The following CAMTA1 variants were observed in gnomAD, a reference collection of about 807,000 sequenced individuals.
CAMTA1 encodes calmodulin binding transcription activator 1.
In CAMTA1, 27 loss-of-function variants were observed where a neutral mutation model predicts 170.9. The ratio of observed to expected loss-of-function variants is 0.16; its 90% confidence interval spans 0.12 to 0.22. CAMTA1 has a LOEUF of 0.22. Ranked by LOEUF, CAMTA1 falls within the 10% of genes least tolerant of loss-of-function variation. CAMTA1 has a pLI of 1.00. For synonymous variants in CAMTA1, 833 were observed against 891.5 expected, an observed-to-expected ratio of 0.93 and a Z score of 1.17; for missense variants, 1,619 against 2,217.2, an observed-to-expected ratio of 0.73 and a Z score of 5.42.
At chr1:7,671,164 G>A (rs2096057271) in intron 10 of CAMTA1, 127 bp downstream of exon 10, 8 of 1,025,120 alleles carry the variant, frequency 7.8e-6, no homozygotes, top group Non-Finnish European at 1.1e-5. Context: ...TTCCTCGGCT[G>A]TGAAGAAGCG....
chr1:7,198,422 T>TGCAAA (rs2148992322), intron 4 of CAMTA1, among the ~76,000 whole-genome samples: 1 of 152,042 alleles, frequency 6.6e-6, no homozygotes, highest in South Asian at 2.1e-4. Flanking sequence ...CAAAGCTGGG[T>TGCAAA]GCTGACCTGT....
Position 7,112,313 on chromosome 1 carries a change from C to T in CAMTA1, c.302+20942C>T, listed in dbSNP as rs1246861833. Among the ~76,000 whole-genome samples the T allele has an allele frequency of 2.0e-5, 3 of 152,224 alleles. No individual in the cohort carries two copies. In the East Asian group the frequency reaches 5.8e-4, roughly 29 times the overall value. On this transcript the variant is annotated intron_variant, in intron 4 of 22. Transcript: ENST00000303635. Reference sequence around the variant, plus strand: ...TGGACTTTTTTCTTTGTATCCCTCACAATTCCTGTGGGTAATTTTAATAAC... The same window carrying T: ...TGGACTTTTTTCTTTGTATCCCTCATAATTCCTGTGGGTAATTTTAATAAC...
intron 4 of CAMTA1, among the ~76,000 whole-genome samples, chr1:7,175,053 T>C (rs1230296913): frequency 1.3e-5 from 2 of 152,134 alleles, no homozygotes; most frequent in African/African-American, 2.4e-5. Flanking sequence ...GGTGTGTGTG[T>C]GCGTGTGTGT....
intron 5 of CAMTA1, among the ~76,000 whole-genome samples, chr1:7,355,205 CAA>C (rs200603818): frequency 0.66 from 74,149 of 112,560 alleles, 23,088 homozygotes; most frequent in Middle Eastern, 0.76. Flanking sequence ...AACTCCGTCT[CAA>C]AAAAAAAAAA....
At chr1:7,550,981 C>T (rs776174914) in intron 6 of CAMTA1, among the ~76,000 whole-genome samples, 3 of 152,172 alleles carry the variant, frequency 2.0e-5, no homozygotes, top group South Asian at 2.1e-4. Flanking sequence ...AAAGTACCCC[C>T]GCTTCATTTT....
At chr1:7,744,485 T>C (rs1330589661) in intron 16 of CAMTA1, among the ~76,000 whole-genome samples, 1 of 152,174 alleles carries the variant, frequency 6.6e-6, no homozygotes, top group Non-Finnish European at 1.5e-5. Flanking sequence ...ATTGGTTATG[T>C]AACTAATAGT....
intron 3 of CAMTA1, among the ~76,000 whole-genome samples, chr1:6,835,523 AAC>A (rs1365353194): frequency 5.3e-5 from 8 of 152,316 alleles, no homozygotes; most frequent in Middle Eastern, 3.4e-3. Flanking sequence ...GGCTTGTTCA[AAC>A]ACAGATTGCT....
intron 4 of CAMTA1, among the ~76,000 whole-genome samples, chr1:7,104,715 A>G (rs570960494): frequency 1.3e-5 from 2 of 152,226 alleles, no homozygotes; most frequent in Admixed American, 1.3e-4. Context: ...CTGTCAACTG[A>G]GGCTTCAGGA....
At position 7,059,828 on chromosome 1, in the gene CAMTA1, T is replaced by C. The variant is rs561384990; in HGVS notation, c.235-31476T>C. Among the ~76,000 whole-genome samples the C allele has an allele frequency of 1.5e-4, 23 of 152,346 alleles. No individual in the cohort carries two copies. In the South Asian group the frequency reaches 4.6e-3, roughly 30 times the overall value. Reference sequence around the variant, plus strand: ...AACTTTTTATTGTGTTGGGCACTTATGCTTAGTGCTTTAAAGATATAATAG... The same window carrying C: ...AACTTTTTATTGTGTTGGGCACTTACGCTTAGTGCTTTAAAGATATAATAG... On this transcript the variant is annotated intron_variant, in intron 3 of 22. Transcript: ENST00000303635.
At chr1:7,362,825 G>A (rs2085649766) in intron 5 of CAMTA1, among the ~76,000 whole-genome samples, 1 of 152,084 alleles carries the variant, frequency 6.6e-6, no homozygotes, top group Non-Finnish European at 1.5e-5. Flanking sequence ...TGTGGAGGTG[G>A]TGAACTTCGG....
chr1:6,964,383 G>A (rs1691152851), intron 3 of CAMTA1, among the ~76,000 whole-genome samples: 1 of 152,122 alleles, frequency 6.6e-6, no homozygotes, highest in African/African-American at 2.4e-5. Context: ...TTGTACAGGG[G>A]CACAACGTGA....
At chr1:7,596,409 G>A (rs1308034826) in intron 6 of CAMTA1, among the ~76,000 whole-genome samples, 10 of 152,206 alleles carry the variant, frequency 6.6e-5, no homozygotes, top group African/African-American at 2.4e-4. Context: ...CCCCGAATCT[G>A]CCCAGCATTT....
intron 3 of CAMTA1, among the ~76,000 whole-genome samples, chr1:6,977,107 G>T (rs1487544697): frequency 6.6e-6 from 1 of 152,134 alleles, no homozygotes; most frequent in African/African-American, 2.4e-5. Context: ...AGCAGCGTCA[G>T]AACAGACTAA....
At chr1:6,987,469 ACT>A (rs1695557076) in intron 3 of CAMTA1, among the ~76,000 whole-genome samples, 1 of 151,784 alleles carries the variant, frequency 6.6e-6, no homozygotes, top group Non-Finnish European at 1.5e-5. Flanking sequence ...CCGGCCAAAG[ACT>A]CTTTTAAATG....
At chr1:7,145,731 G>T (rs555959526) in intron 4 of CAMTA1, among the ~76,000 whole-genome samples, 1 of 152,330 alleles carries the variant, frequency 6.6e-6, no homozygotes, top group Admixed American at 6.5e-5. Context: ...CAGAGGGGCC[G>T]GGACGATTGC....
Position 7,459,189 on chromosome 1 carries a change from T to G in CAMTA1, c.439-8641T>G, listed in dbSNP as rs548335355. Among the ~76,000 whole-genome samples, 8 of 152,316 alleles carry G rather than the reference T, an allele frequency of 5.3e-5. No individual in the cohort carries two copies. In the South Asian group the frequency reaches 1.7e-3, roughly 32 times the overall value. On this transcript the variant is annotated intron_variant, in intron 5 of 22. Transcript: ENST00000303635. ...GCTTTGCGGTCAGATGACGCTTGTT[T>G]GAATCCTTCTGCCTGTTCCTAGCCG...
chr1:6,913,042 C>T (rs959273735), intron 3 of CAMTA1, among the ~76,000 whole-genome samples: 18 of 152,208 alleles, frequency 1.2e-4, no homozygotes, highest in African/African-American at 2.9e-4. Flanking sequence ...ATCAGCATGC[C>T]GTGACCTTGA....
chr1:7,001,077 G>T (rs557867852), intron 3 of CAMTA1, among the ~76,000 whole-genome samples: 1 of 152,062 alleles, frequency 6.6e-6, no homozygotes, highest in East Asian at 1.9e-4. Flanking sequence ...CATGAGTATC[G>T]GAGTAATGGT....
In CAMTA1 at chr1:7,499,317, TGC is replaced by T. The variant is rs1491374364; in HGVS notation, c.510+31417_510+31418del. On this transcript the variant is annotated intron_variant, in intron 6 of 22. Transcript: ENST00000303635. ...GCGTGTGTATGTATATGAGTGTGTG[TGC>T]ATGTGTGTACATGTGTGTAGAGAGG... Among the ~76,000 whole-genome samples the T allele has an allele frequency of 7.1e-5, 10 of 141,080 alleles. No individual in the cohort carries two copies. The East Asian group carries it at 1.9e-3, about 27-fold the overall frequency. The allele number at this position is 141,080 out of a possible 152,430, so 92.6% of individuals were successfully genotyped here.
Sources: gnomAD v4.1 joint callset for allele counts (sites outside exome capture counted in the v4.1 genomes callset) on GRCh38, gnomAD v4.1.1 for gene constraint, MANE v1.5 for transcripts, NCBI Gene and HGNC (gene_info 2026-07-23, HGNC 2026-07-21) for gene names.